Variants in SIPA1L2 observed in about 807,000 individuals in gnomAD.
SIPA1L2 encodes the protein signal induced proliferation associated 1 like 2.
A neutral mutation model predicts 163.9 loss-of-function variants in SIPA1L2; 56 were observed. The observed-to-expected ratio is 0.34, with a 90% confidence interval of 0.28 to 0.43. SIPA1L2 has a LOEUF of 0.43. SIPA1L2 is among the 20% of genes least tolerant of loss of function. The probability of loss-of-function intolerance (pLI) is 1.00; values close to 1 mark genes in which losing one functional copy is unlikely to be tolerated. For missense variants in SIPA1L2, 1,974 were observed against 2,193.5 expected (o/e 0.90, Z 2.00); for synonymous variants, 877 against 865.7 (o/e 1.01, Z -0.23).
intron 2 of SIPA1L2, among the ~76,000 whole-genome samples, chr1:232,569,124 C>A (rs1191459721): frequency 6.6e-6 from 1 of 152,182 alleles, no homozygotes; most frequent in Non-Finnish European, 1.5e-5. Context: ...GATTTTAAGA[C>A]CATCTGCCTG....
At position 232,397,974 on chromosome 1, in the gene SIPA1L2, T is replaced by C. The variant is rs1194459625; in HGVS notation, c.*1153A>G. ...TCACCTGACAACACCATTTCTTATG[T>C]GGACTTCTTTTAAACATTTATTAAA... On this transcript the variant is annotated 3_prime_UTR_variant, in exon 23 of 23. Coordinates refer to ENST00000674635, the MANE Select transcript of SIPA1L2 (RefSeq NM_020808.5). 1.3e-5 allele frequency: 2 copies of C among 152,680 alleles called. No individual in the cohort carries two copies. The highest frequency in any genetic ancestry group is 2.1e-4 in the South Asian group (1 of 4,832). The allele number at this position is 152,680 out of a possible 1,614,324, so 9.5% of individuals were successfully genotyped here.
At chr1:232,412,361 T>C (rs1173240051) in intron 19 of SIPA1L2, among the ~76,000 whole-genome samples, 1 of 152,118 alleles carries the variant, frequency 6.6e-6, no homozygotes, top group Non-Finnish European at 1.5e-5. Flanking sequence ...CTAACTGAAA[T>C]AGGGGCACAG....
chr1:232,546,616 A>G (rs1370879512), intron 2 of SIPA1L2, among the ~76,000 whole-genome samples: 2 of 152,198 alleles, frequency 1.3e-5, no homozygotes, highest in South Asian at 2.1e-4. Flanking sequence ...AAAAACACAC[A>G]AAGTAGTGCA....
At chr1:232,540,227 C>A (rs535810465) in intron 2 of SIPA1L2, among the ~76,000 whole-genome samples, 2 of 152,094 alleles carry the variant, frequency 1.3e-5, no homozygotes, top group Non-Finnish European at 2.9e-5. Context: ...TCACTTGAAC[C>A]CGGGAGGTGG....
At chr1:232,586,512 CA>C (rs1660663067) in intron 1 of SIPA1L2, among the ~76,000 whole-genome samples, 2 of 152,142 alleles carry the variant, frequency 1.3e-5, no homozygotes, top group Non-Finnish European at 1.5e-5. Context: ...AAGAGCTCGT[CA>C]CGTAATCACA....
At position 232,514,991 on chromosome 1, in the gene SIPA1L2, C is replaced by T. The variant is rs761046388; in HGVS notation, c.349G>A (p.Gly117Arg). 6.2e-7 allele frequency: 1 copy of T among 1,614,070 alleles called. No homozygotes were observed. The highest frequency in any genetic ancestry group is 1.3e-5 in the African/African-American group (1 of 74,932). The change falls in exon 3 of 23, where the codon GGG (glycine) becomes AGG (arginine). Residue 117 changes from glycine (G) to arginine (R), a missense_variant. By Grantham distance (125) the Gly-to-Arg change is moderately radical. Coordinates refer to ENST00000674635, the MANE Select transcript of SIPA1L2 (RefSeq NM_020808.5). ...YESITSVLQN[G>R]QSDQSEGQQD... ...TGACCTTCACTCTGGTCACTCTGCC[C>T]ATTCTGCAGGACAGAAGTGATGCTT...
At chr1:232,578,364 C>T (rs575262626) in intron 1 of SIPA1L2, among the ~76,000 whole-genome samples, 26 of 151,862 alleles carry the variant, frequency 1.7e-4, no homozygotes, top group African/African-American at 5.6e-4. Flanking sequence ...TGAAAGGCAA[C>T]GTGCGGAAGC....
chr1:232,528,078 T>TTATATATATATATATATATATA (rs67185229), intron 2 of SIPA1L2, among the ~76,000 whole-genome samples: 5 of 96,114 alleles, frequency 5.2e-5, no homozygotes, highest in African/African-American at 1.5e-4. Context: ...TAAGCAAGTT[T>TTATATATATATATATATATATA]TATATATATA....
intron 2 of SIPA1L2, among the ~76,000 whole-genome samples, chr1:232,547,535 T>C (rs1230269680): frequency 9.0e-6 from 1 of 111,516 alleles, no homozygotes; most frequent in Non-Finnish European, 1.6e-5. Context: ...TTCACAGTAA[T>C]CAAAATGTGC....
chr1:232,540,832 C>T (rs1477750073), intron 2 of SIPA1L2, among the ~76,000 whole-genome samples: 2 of 152,062 alleles, frequency 1.3e-5, no homozygotes, highest in African/African-American at 4.8e-5. Context: ...TAGTCAATGC[C>T]TTCATCAGGC....
intron 10 of SIPA1L2, among the ~76,000 whole-genome samples, chr1:232,448,582 A>G (rs1663353613): frequency 6.6e-6 from 1 of 152,208 alleles, no homozygotes; most frequent in Non-Finnish European, 1.5e-5. Flanking sequence ...CTGAAACTCT[A>G]ATACACAGTA....
chr1:232,608,653 G>A (rs1197642929), intron 1 of SIPA1L2, among the ~76,000 whole-genome samples: 5 of 152,070 alleles, frequency 3.3e-5, no homozygotes, highest in African/African-American at 1.2e-4. Flanking sequence ...TACTAAAGAT[G>A]TTTCTCTGCG....
intron 2 of SIPA1L2, among the ~76,000 whole-genome samples, chr1:232,553,778 A>G (rs1658541822): frequency 6.6e-6 from 1 of 152,186 alleles, no homozygotes; most frequent in African/African-American, 2.4e-5. Context: ...TAATTTGTGA[A>G]TATTTATCTC....
chr1:232,476,672 T>C (rs893732419), intron 7 of SIPA1L2, among the ~76,000 whole-genome samples: 6 of 152,202 alleles, frequency 3.9e-5, no homozygotes, highest in African/African-American at 1.4e-4. Context: ...CAGGGTTTCT[T>C]ATCATTCTTT....
At chr1:232,420,370 A>G (rs575786933) in intron 18 of SIPA1L2, among the ~76,000 whole-genome samples, 64 of 152,266 alleles carry the variant, frequency 4.2e-4, no homozygotes, top group Non-Finnish European at 6.5e-4. Flanking sequence ...CTGAAGGAGC[A>G]AGAGCAATTG....
At chr1:232,457,376 A>T (rs1020996266) in intron 10 of SIPA1L2, among the ~76,000 whole-genome samples, 2 of 152,212 alleles carry the variant, frequency 1.3e-5, no homozygotes, top group African/African-American at 4.8e-5. Context: ...CATTTATGAG[A>T]CTAAAATATC....
At chr1:232,592,022 T>C (rs1260132628) in intron 1 of SIPA1L2, among the ~76,000 whole-genome samples, 4 of 152,134 alleles carry the variant, frequency 2.6e-5, no homozygotes, top group South Asian at 2.1e-4. Flanking sequence ...TCCCTTTTTT[T>C]CCCACTAATC....
chr1:232,429,547 C>A (rs562189310), intron 16 of SIPA1L2, among the ~76,000 whole-genome samples: 133 of 152,110 alleles, frequency 8.7e-4, no homozygotes, highest in Non-Finnish European at 1.5e-3. Flanking sequence ...GGACAGGTTT[C>A]CCTGTACCTC....
At chr1:232,458,836 C>T (rs1032455368) in intron 10 of SIPA1L2, among the ~76,000 whole-genome samples, 1 of 152,102 alleles carries the variant, frequency 6.6e-6, no homozygotes, top group Non-Finnish European at 1.5e-5. Flanking sequence ...ATTTCCAAGA[C>T]TCATTTTTAA....
Sources: allele counts gnomAD v4.1 joint callset (sites outside exome capture counted in the v4.1 genomes callset), GRCh38; gene constraint gnomAD v4.1.1; transcripts MANE v1.5; gene names NCBI Gene and HGNC (gene_info 2026-07-23, HGNC 2026-07-21).